Variants in CELSR1 observed in about 807,000 individuals in gnomAD.
The protein encoded by CELSR1 is cadherin EGF LAG seven-pass G-type receptor 1, also known as adhesion G protein-coupled receptor C1.
In CELSR1, 110 loss-of-function variants were observed where a neutral mutation model predicts 249.1. The observed-to-expected ratio is 0.44, with a 90% CI of 0.38 to 0.52. CELSR1 has a LOEUF of 0.52. Ranked by LOEUF, CELSR1 falls within the 20% of genes least tolerant of loss-of-function variation. CELSR1 has a pLI of 0.00. For synonymous variants in CELSR1, 2,113 were observed against 1,900.0 expected, an observed-to-expected ratio of 1.11 and a Z score of -2.92; for missense variants, 4,109 against 4,296.4, an observed-to-expected ratio of 0.96 and a Z score of 1.22.
rs7292378 is a variant in CELSR1 at position 46,426,203 on chromosome 22, G to T, written c.4611+7190C>A. Among the ~76,000 whole-genome samples the T allele has an allele frequency of 3.2e-3, 407 of 126,680 alleles. 3 individuals carry two copies. Among genetic ancestry groups the T allele is most frequent in the African/African-American group, 0.014 (393 of 28,036 alleles). 83.1% of individuals were successfully genotyped at this position (126,680 alleles called of 152,430 possible). A position where few individuals can be genotyped will look rare whatever the true frequency, so the allele number is the denominator to read the frequency against. On this transcript the variant is annotated intron_variant, in intron 5 of 34. Coordinates refer to ENST00000674500, the MANE Select transcript of CELSR1 (RefSeq NM_001378328.1). The stretch of plus-strand genomic sequence containing the variant: ...AGGTTGGAAGGTTGTTTAGATAATG[G>T]AAGGTTGAGAAAAATCACTAACTAT...
intron 32 of CELSR1, 74 bp from the exon 33 acceptor site, chr22:46,364,810 G>A: frequency 2.1e-6 from 3 of 1,429,750 alleles, no homozygotes; most frequent in African/African-American, 1.4e-5. Flanking sequence ...CCATGGGTCT[G>A]GTGGCTCTGA....
At position 46,460,178 on chromosome 22, in the gene CELSR1, AACACACAC is replaced by A. The variant is rs544352270; in HGVS notation, c.4183+3521_4183+3528del. Among the ~76,000 whole-genome samples, 400 of 103,038 alleles carry A rather than the reference AACACACAC, an allele frequency of 3.9e-3. 1 individual carries two copies. Among genetic ancestry groups the A allele is most frequent in the South Asian group, 0.027 (70 of 2,554 alleles). 67.6% of individuals were successfully genotyped at this position (103,038 alleles called of 152,430 possible). A position where few individuals can be genotyped will look rare whatever the true frequency, so the allele number is the denominator to read the frequency against. Reference sequence around the variant, plus strand: ...GTGACACAGTGAGACTCAGTCTCAAAACACACACACACACACACACACACACACACACA... The same window carrying A: ...GTGACACAGTGAGACTCAGTCTCAAAACACACACACACACACACACACACA... On this transcript the variant is annotated intron_variant, in intron 2 of 34. Transcript: ENST00000674500.
intron 2 of CELSR1, among the ~76,000 whole-genome samples, chr22:46,459,202 T>C (rs1327159021): frequency 1.3e-5 from 2 of 152,056 alleles, no homozygotes; most frequent in African/African-American, 4.8e-5. Flanking sequence ...CCCATTTTAG[T>C]AATGAGTGAG....
At position 46,406,053 on chromosome 22, in the gene CELSR1, T is replaced by C. The variant is rs1181426646; in HGVS notation, c.5226+2943A>G. On this transcript the variant is annotated intron_variant, in intron 9 of 34. Coordinates refer to ENST00000674500, the MANE Select transcript of CELSR1 (RefSeq NM_001378328.1). This position sits in a 1 kb window ranked among gnomAD's most constrained non-coding sequence, Gnocchi z 5.4. ...TAATCTGGGGATGAGCCCTCCATGA[T>C]GTAATTACACAAACAGCACCGGAGT... Among the ~76,000 whole-genome samples, 1 of 152,174 alleles carries C rather than the reference T, an allele frequency of 6.6e-6. No individual in the cohort carries two copies. The highest frequency in any genetic ancestry group is 1.9e-4 in the East Asian group (1 of 5,176).
At position 46,468,476 on chromosome 22, in the gene CELSR1, T is replaced by C. The variant is rs1189888505; in HGVS notation, c.3545-4131A>G. ...ATTCTGACACACGCTACAACATGGA[T>C]GTACCTTGAGGACGTGATGCTCACT... On this transcript the variant is annotated intron_variant, in intron 1 of 34. Coordinates refer to ENST00000674500, the MANE Select transcript of CELSR1 (RefSeq NM_001378328.1). This position sits in a 1 kb window ranked among gnomAD's most constrained non-coding sequence, Gnocchi z 4.5. 6.6e-6 allele frequency among the ~76,000 whole-genome samples: 1 copy of C among 152,014 alleles called. No individual in the cohort carries two copies. The highest frequency in any genetic ancestry group is 2.4e-5 in the African/African-American group (1 of 41,356).
rs9626857 is a variant in CELSR1, at chr22:46,364,751, C to T, written c.8555-15G>A. ...CACAGCGTCCCCTGAGGCACGAGAGCGGTGCTCAGCAGGCAGCGGCACTGC... is the reference window on the plus strand; with the variant it reads ...CACAGCGTCCCCTGAGGCACGAGAGTGGTGCTCAGCAGGCAGCGGCACTGC... On this transcript the variant is annotated splice_polypyrimidine_tract_variant and intron_variant, in intron 32 of 34. Transcript: ENST00000674500. 0.066 allele frequency: 105,442 copies of T among 1,606,474 alleles called. 5,134 individuals carry two copies. The highest frequency in any genetic ancestry group is 0.24 in the African/African-American group (18,270 of 74,970).
Position 46,372,939 on chromosome 22 carries a change from G to A in CELSR1, c.7703C>T (p.Thr2568Met), listed in dbSNP as rs776819117. 7 of 1,613,178 alleles carry A rather than the reference G, an allele frequency of 4.3e-6. No individual in the cohort carries two copies. The highest frequency in any genetic ancestry group is 3.3e-5 in the Admixed American group (2 of 59,980). ...GACGTAGTAGAACCGCATGGGCCCCGTGTCGATGTTGCGCACCTCGGTCAG... is the reference window on the plus strand; with the variant it reads ...GACGTAGTAGAACCGCATGGGCCCCATGTCGATGTTGCGCACCTCGGTCAG... ...RMLTEVRNID[T>M]GPMRFYYVVG... Residue 2568 changes from threonine (T) to methionine (M), a missense_variant, in exon 25 of 35, where the codon ACG becomes ATG. Thr to Met is a moderately conservative substitution (Grantham distance 81). Coordinates refer to ENST00000674500, the MANE Select transcript of CELSR1 (RefSeq NM_001378328.1).
intron 9 of CELSR1, among the ~76,000 whole-genome samples, chr22:46,404,353 A>G (rs5768757): frequency 6.6e-6 from 1 of 152,256 alleles, no homozygotes; most frequent in East Asian, 1.9e-4. Context: ...CAGAGGTTGC[A>G]GTGAGCAGAG....
intron 1 of CELSR1, among the ~76,000 whole-genome samples, chr22:46,487,953 G>A (rs1169978311): frequency 2.9e-5 from 4 of 140,218 alleles, no homozygotes; most frequent in African/African-American, 1.1e-4. Flanking sequence ...TCAGCTAATG[G>A]GGGTATATGG....
At chr22:46,525,463 A>G (rs2080730182) in intron 1 of CELSR1, among the ~76,000 whole-genome samples, 1 of 151,050 alleles carries the variant, frequency 6.6e-6, no homozygotes, top group South Asian at 2.1e-4. Flanking sequence ...AAAAAAAAAA[A>G]GAGGGTTGTT....
chr22:46,526,134 C>T lies in CELSR1; in HGVS notation c.3544+7493G>A, dbSNP rs2080736557. Among the ~76,000 whole-genome samples, 1 of 152,218 alleles carries T rather than the reference C, an allele frequency of 6.6e-6. No homozygotes were observed. On this transcript the variant is annotated intron_variant, in intron 1 of 34. Transcript: ENST00000674500. The surrounding 1 kb of genome is among the most constrained non-coding windows in gnomAD (Gnocchi z 4.7). ...GTCCATGTCCCGTGGACCTGTGGCC[C>T]CTTCCATTCTCCCAGGCCCCTTTTT...
chr22:46,430,192 C>A lies in CELSR1; in HGVS notation c.4611+3201G>T, dbSNP rs1240562043. On this transcript the variant is annotated intron_variant, in intron 5 of 34. Coordinates refer to ENST00000674500, the MANE Select transcript of CELSR1 (RefSeq NM_001378328.1). This position sits in a 1 kb window ranked among gnomAD's most constrained non-coding sequence, Gnocchi z 4.6. ...ACTCTGGAGGGCGGGGGACAGAGAA[C>A]GAGACTGAAGAGAGGAGGGTGGGCA... Among the ~76,000 whole-genome samples the A allele has an allele frequency of 2.0e-5, 3 of 152,198 alleles. No individual in the cohort carries two copies. Among genetic ancestry groups the A allele is most frequent in the Middle Eastern group, 3.2e-3 (1 of 316 alleles).
chr22:46,439,323 G>A lies in CELSR1; in HGVS notation c.4272C>T (p.Gly1424=), dbSNP rs370379202. 1.8e-4 allele frequency: 289 copies of A among 1,614,070 alleles called. 3 individuals are homozygous for A. The South Asian group carries it at 2.5e-3, about 14-fold the overall frequency. Residue 1424 remains glycine, a synonymous_variant, in exon 3 of 35, where the codon GGC becomes GGT. Transcript: ENST00000674500. The part of the protein sequence containing the change: ...NGGTCVNLLI[G]GFHCVCPPGE... ...CAGGAGGACACACGCAGTGGAAGCC[G>A]CCGATGAGCAGGTTCACGCAGGTGC...
At position 46,436,367 on chromosome 22, in the gene CELSR1, C is replaced by T. The variant is rs191978644; in HGVS notation, c.4407-78G>A. 456 of 1,043,284 alleles carry T rather than the reference C, an allele frequency of 4.4e-4. 2 individuals are homozygous for T. In the African/African-American group the frequency reaches 4.6e-3, roughly 11 times the overall value. The allele number at this position is 1,043,284 out of a possible 1,614,324, so 64.6% of individuals were successfully genotyped here. On this transcript the variant is annotated intron_variant, in intron 3 of 34. Coordinates refer to ENST00000674500, the MANE Select transcript of CELSR1 (RefSeq NM_001378328.1). This position sits in a 1 kb window ranked among gnomAD's most constrained non-coding sequence, Gnocchi z 5.9. ...GCTGCCTAGGAATGACAAGTCCAGCCGGAGGAGGGCAAGCACGTGGGGCTA... is the reference window on the plus strand; with the variant it reads ...GCTGCCTAGGAATGACAAGTCCAGCTGGAGGAGGGCAAGCACGTGGGGCTA...
chr22:46,439,139 GC>G, intron 3 of CELSR1, 49 bp downstream of exon 3: 2 of 1,524,928 alleles, frequency 1.3e-6, no homozygotes, highest in Non-Finnish European at 9.0e-7. Context: ...GGAGAAGCTC[GC>G]CCCTTTCCTA....
At chr22:46,493,266 C>T (rs5767223) in intron 1 of CELSR1, among the ~76,000 whole-genome samples, 32,742 of 151,730 alleles carry the variant, frequency 0.22, 3,551 homozygotes, top group Middle Eastern at 0.23. Flanking sequence ...TAAAAACAGG[C>T]GGGGCGTGGT....
chr22:46,390,562 C>T lies in CELSR1; in HGVS notation c.6251-76G>A, dbSNP rs1172551324. The T allele has an allele frequency of 5.8e-6, 7 of 1,208,810 alleles. No homozygotes were observed. Among genetic ancestry groups the T allele is most frequent in the Non-Finnish European group, 8.4e-6 (7 of 833,722 alleles). 74.9% of individuals were successfully genotyped at this position (1,208,810 alleles called of 1,614,324 possible). A position where few individuals can be genotyped will look rare whatever the true frequency, so the allele number is the denominator to read the frequency against. On this transcript the variant is annotated intron_variant, in intron 16 of 34. Transcript: ENST00000674500. The surrounding 1 kb of genome is among the most constrained non-coding windows in gnomAD (Gnocchi z 6.3). ...ATGCTTGTGTATTTCAATCCACAAT[C>T]TGAATATACTTAAACCCAGAACACT...
At chr22:46,456,556 G>A (rs1000025828) in intron 2 of CELSR1, among the ~76,000 whole-genome samples, 13 of 151,304 alleles carry the variant, frequency 8.6e-5, no homozygotes, top group South Asian at 2.1e-4. Flanking sequence ...CCAGCTACTC[G>A]GGAGGCTGAG....
intron 25 of CELSR1, among the ~76,000 whole-genome samples, chr22:46,371,279 C>T (rs1430539002): frequency 2.1e-5 from 3 of 144,194 alleles, no homozygotes; most frequent in African/African-American, 7.9e-5. Flanking sequence ...GAGACCAGGA[C>T]GGTCCAGCAA....
Sources: gnomAD v4.1 joint callset for allele counts (sites outside exome capture counted in the v4.1 genomes callset) on GRCh38, gnomAD v4.1.1 for gene constraint, Gnocchi (gnomAD v3.1) non-coding constraint, MANE v1.5 for transcripts, NCBI Gene and HGNC (gene_info 2026-07-23, HGNC 2026-07-21) for gene names.